The following CEP135 variants were observed in gnomAD, a reference collection of about 807,000 sequenced individuals.
The protein encoded by CEP135 is centrosomal protein of 135 kDa.
In CEP135, 142 loss-of-function variants were observed where a neutral mutation model predicts 157.3. That is an observed-to-expected ratio of 0.90 (90% confidence interval 0.79 to 1.04). The LOEUF (loss-of-function observed/expected upper bound fraction) is 1.04, where lower values mean the gene tolerates loss of function less well. Among genes scored for constraint, CEP135 ranks in the 50% least tolerant of loss-of-function variants. The pLI, the probability that CEP135 is intolerant of heterozygous loss-of-function variation, is 0.00. For synonymous variants in CEP135, 396 were observed against 439.8 expected (o/e 0.90, Z 1.25); for missense variants, 1,317 against 1,309.2 (o/e 1.01, Z -0.09).
At chr4:55,963,796 C>T (rs542560855) in intron 6 of CEP135, among the ~76,000 whole-genome samples, 2 of 152,258 alleles carry the variant, frequency 1.3e-5, no homozygotes, top group African/African-American at 4.8e-5. Flanking sequence ...TTTCCAAATT[C>T]TTACATAAAT....
rs1029689820 is a variant in CEP135 at position 55,961,746 on chromosome 4, A to G, written c.699+1980A>G. On this transcript the variant is annotated intron_variant, in intron 6 of 25. Transcript: ENST00000257287. Reference sequence around the variant, plus strand: ...ACCATTGCACTCCAGCCTGGGCAACAAGAGCGAAAACTCTGTCTAAAAAAA... The same window carrying G: ...ACCATTGCACTCCAGCCTGGGCAACGAGAGCGAAAACTCTGTCTAAAAAAA... 4.1e-5 allele frequency among the ~76,000 whole-genome samples: 6 copies of G among 144,722 alleles called. No homozygotes were observed. In the East Asian group the frequency reaches 1.2e-3, roughly 30 times the overall value. 94.9% of individuals were successfully genotyped at this position (144,722 alleles called of 152,430 possible). A position where few individuals can be genotyped will look rare whatever the true frequency, so the allele number is the denominator to read the frequency against.
At chr4:55,988,851 C>G (rs1477219620) in intron 14 of CEP135, among the ~76,000 whole-genome samples, 2 of 149,992 alleles carry the variant, frequency 1.3e-5, no homozygotes, top group African/African-American at 4.9e-5. Context: ...GTCCCAGCTA[C>G]TCGGGAGGCT....
chr4:55,952,948 C>T (rs1233216192), intron 2 of CEP135, 137 bp from the exon 3 acceptor site: 8 of 660,442 alleles, frequency 1.2e-5, no homozygotes, highest in Non-Finnish European at 1.7e-5. Flanking sequence ...TACTCTCCTT[C>T]CTATATGTGG....
intron 25 of CEP135, among the ~76,000 whole-genome samples, chr4:56,026,104 G>C (rs1429777832): frequency 6.6e-6 from 1 of 152,090 alleles, no homozygotes; most frequent in East Asian, 1.9e-4. Flanking sequence ...AGCTACTTGG[G>C]ATGCGGAGGC....
At chr4:56,012,098 C>T (rs1730608729) in intron 21 of CEP135, 113 bp downstream of exon 21, 5 of 711,648 alleles carry the variant, frequency 7.0e-6, no homozygotes, top group Non-Finnish European at 6.1e-6. Flanking sequence ...GACTCTGTTG[C>T]CCAGGCTGGA....
intron 24 of CEP135, among the ~76,000 whole-genome samples, chr4:56,023,685 C>T (rs959322049): frequency 1.0e-4 from 14 of 136,688 alleles, no homozygotes; most frequent in Non-Finnish European, 1.8e-4. Flanking sequence ...ATATATATCA[C>T]ATAATATATA....
At chr4:55,972,786 C>T (rs2109670277) in intron 10 of CEP135, among the ~76,000 whole-genome samples, 1 of 152,254 alleles carries the variant, frequency 6.6e-6, no homozygotes, top group South Asian at 2.1e-4. Context: ...AATCCCAGCA[C>T]TTTGGGAGGC....
At chr4:55,952,951 A>T in intron 2 of CEP135, 134 bp from the exon 3 acceptor site, 1 of 675,914 alleles carries the variant, frequency 1.5e-6, no homozygotes, top group Non-Finnish European at 2.3e-6. Context: ...TCTCCTTCCT[A>T]TATGTGGTCT....
At chr4:55,983,587 T>A (rs1729479970) in intron 13 of CEP135, among the ~76,000 whole-genome samples, 1 of 152,076 alleles carries the variant, frequency 6.6e-6, no homozygotes, top group Non-Finnish European at 1.5e-5. Context: ...TTCTATTAAG[T>A]GCTTTTTACA....
In CEP135 at chr4:56,003,792, C is replaced by T. The variant is rs1730260683; in HGVS notation, c.2280+4147C>T. 2.6e-5 allele frequency among the ~76,000 whole-genome samples: 4 copies of T among 151,950 alleles called. No individual in the cohort carries two copies. In the South Asian group the frequency reaches 8.3e-4, roughly 32 times the overall value. On this transcript the variant is annotated intron_variant, in intron 17 of 25. Coordinates refer to ENST00000257287, the MANE Select transcript of CEP135 (RefSeq NM_025009.5). ...CTGAAGTGCAGTAGCAAGATCATGG[C>T]TCATTGCAGCCTTGACCTTTCAGAC...
At chr4:55,997,403 G>A (rs1369037156) in intron 15 of CEP135, among the ~76,000 whole-genome samples, 2 of 152,074 alleles carry the variant, frequency 1.3e-5, no homozygotes, top group South Asian at 2.1e-4. Flanking sequence ...TCATTAGGAC[G>A]TCACCCTGCT....
chr4:55,974,137 A>G (rs187557866), intron 10 of CEP135, among the ~76,000 whole-genome samples: 1 of 152,310 alleles, frequency 6.6e-6, no homozygotes, highest in East Asian at 1.9e-4. Context: ...TGCTTAATAC[A>G]TATCTGTTGA....
chr4:55,962,095 A>G (rs887047310), intron 6 of CEP135, among the ~76,000 whole-genome samples: 1 of 148,932 alleles, frequency 6.7e-6, no homozygotes, highest in Non-Finnish European at 1.5e-5. Flanking sequence ...CATCCTTTTT[A>G]AAAAACTCTT....
At chr4:55,978,035 TG>T (rs1448636572) in intron 11 of CEP135, among the ~76,000 whole-genome samples, 1 of 152,200 alleles carries the variant, frequency 6.6e-6, no homozygotes, top group Non-Finnish European at 1.5e-5. Flanking sequence ...TGTGCATGTG[TG>T]TGTTTAGGGG....
chr4:55,961,594 A>G (rs946135170), intron 6 of CEP135, among the ~76,000 whole-genome samples: 8 of 151,506 alleles, frequency 5.3e-5, no homozygotes, highest in African/African-American at 1.7e-4. Context: ...GAGAAACCCT[A>G]TCTCTACTAA....
At position 56,006,726 on chromosome 4, in the gene CEP135, G is replaced by T. The variant is rs908361868; in HGVS notation, c.2281-1601G>T. ...TCAATTTTGAATTCTTGGCCAGAGA[G>T]CTCAGGTGTCACTGTCTTGTCAGGA... On this transcript the variant is annotated intron_variant, in intron 17 of 25. Transcript: ENST00000257287. Among the ~76,000 whole-genome samples the T allele has an allele frequency of 4.4e-4, 67 of 152,202 alleles. 1 individual carries two copies. Among genetic ancestry groups the T allele is most frequent in the Non-Finnish European group, 1.3e-4 (9 of 68,040 alleles).
At chr4:55,968,499 G>A (rs887931161) in intron 8 of CEP135, among the ~76,000 whole-genome samples, 2 of 150,440 alleles carry the variant, frequency 1.3e-5, no homozygotes, top group African/African-American at 4.9e-5. Flanking sequence ...TTCTGTTTTT[G>A]TGGTTTTAGT....
At chr4:55,983,621 A>G (rs1729480551) in intron 13 of CEP135, among the ~76,000 whole-genome samples, 1 of 149,440 alleles carries the variant, frequency 6.7e-6, no homozygotes, top group African/African-American at 2.5e-5. Context: ...TGAATCTTCA[A>G]ATCTTCACAA....
chr4:56,003,110 T>G lies in CEP135; in HGVS notation c.2280+3465T>G, dbSNP rs564985642. On this transcript the variant is annotated intron_variant, in intron 17 of 25. Coordinates refer to ENST00000257287, the MANE Select transcript of CEP135 (RefSeq NM_025009.5). ...TTTATTTATTGGGTCTTCTCTCTTT[T>G]TTTATTAGTCAACCTTAAAGGTTTG... 2.0e-4 allele frequency among the ~76,000 whole-genome samples: 31 copies of G among 152,320 alleles called. 1 individual carries two copies. The highest frequency in any genetic ancestry group is 7.2e-4 in the African/African-American group (30 of 41,598).
Sources: allele counts gnomAD v4.1 joint callset (sites outside exome capture counted in the v4.1 genomes callset), GRCh38; gene constraint gnomAD v4.1.1; transcripts MANE v1.5; gene names NCBI Gene and HGNC (gene_info 2026-07-23, HGNC 2026-07-21).